The following GALNTL6 variants were observed in gnomAD, a reference collection of about 807,000 sequenced individuals.
GALNTL6 encodes polypeptide N-acetylgalactosaminyltransferase-like 6.
Under a neutral mutation model 73.7 loss-of-function variants are expected in GALNTL6, and 46 were observed. The ratio of observed to expected loss-of-function variants is 0.62; its 90% CI spans 0.49 to 0.80. GALNTL6 has a LOEUF of 0.80. GALNTL6 is among the 30% of genes least tolerant of loss of function. The probability of loss-of-function intolerance (pLI) is 0.00; values close to 1 mark genes in which losing one functional copy is unlikely to be tolerated. For missense variants in GALNTL6, 604 were observed against 755.0 expected (o/e 0.80, Z 2.34); for synonymous variants, 259 against 263.7 (o/e 0.98, Z 0.17).
chr4:172,252,818 G>A lies in GALNTL6; in HGVS notation c.247+23054G>A, dbSNP rs551896808. The stretch of plus-strand genomic sequence containing the variant: ...TGGGAGGAAGTCCTTGGTACCTTAC[G>A]TTCATGTAAAAGTAGAGAAATGGGC... On this transcript the variant is annotated intron_variant, in intron 3 of 12. Transcript: ENST00000506823. Among the ~76,000 whole-genome samples, 7 of 151,806 alleles carry A rather than the reference G, an allele frequency of 4.6e-5. No individual in the cohort carries two copies. In the East Asian group the frequency reaches 7.8e-4, roughly 17 times the overall value.
At chr4:172,116,042 C>T (rs1447953779) in intron 2 of GALNTL6, among the ~76,000 whole-genome samples, 1 of 151,720 alleles carries the variant, frequency 6.6e-6, no homozygotes, top group African/African-American at 2.4e-5. Flanking sequence ...AGGTTTTAAA[C>T]CTATTTTTAA....
chr4:172,530,919 C>T lies in GALNTL6; in HGVS notation c.553+182230C>T, dbSNP rs977610688. ...AAACAATGTTCACAGACAGTCTAGA[C>T]GTCTATAATTGTACTCGCCGTGTGT... On this transcript the variant is annotated intron_variant, in intron 5 of 12. Coordinates refer to ENST00000506823, the MANE Select transcript of GALNTL6 (RefSeq NM_001034845.3). Among the ~76,000 whole-genome samples the T allele has an allele frequency of 1.4e-4, 21 of 144,954 alleles. No homozygotes were observed. In the East Asian group the frequency reaches 2.7e-3, roughly 19 times the overall value.
In GALNTL6 at chr4:172,970,348, C is replaced by T. The variant is rs577723711; in HGVS notation, c.1371+18090C>T. On this transcript the variant is annotated intron_variant, in intron 10 of 12. Coordinates refer to ENST00000506823, the MANE Select transcript of GALNTL6 (RefSeq NM_001034845.3). The stretch of plus-strand genomic sequence containing the variant: ...GGATTTTTTCCCCACCCTAATAAGC[C>T]TGAGGGTACTACAGGAGACCGGGGT... Among the ~76,000 whole-genome samples the T allele has an allele frequency of 1.4e-4, 22 of 152,160 alleles. 1 individual carries two copies. The highest frequency in any genetic ancestry group is 2.6e-4 in the Non-Finnish European group (18 of 68,038).
intron 5 of GALNTL6, among the ~76,000 whole-genome samples, chr4:172,650,392 C>G (rs1740423704): frequency 6.6e-6 from 1 of 152,018 alleles, no homozygotes; most frequent in Non-Finnish European, 1.5e-5. Flanking sequence ...AAAAGCATAA[C>G]AGAAGAGAAG....
chr4:171,871,183 T>A (rs1736124762), intron 2 of GALNTL6, among the ~76,000 whole-genome samples: 1 of 152,160 alleles, frequency 6.6e-6, no homozygotes, highest in Non-Finnish European at 1.5e-5. Context: ...CCAATGGGTA[T>A]GCCTGAAAAT....
chr4:172,020,891 C>T (rs977068126), intron 2 of GALNTL6, among the ~76,000 whole-genome samples: 1 of 151,894 alleles, frequency 6.6e-6, no homozygotes, highest in Non-Finnish European at 1.5e-5. Context: ...AATATTGATG[C>T]AAAAGTCCTC....
At chr4:172,672,869 A>G in intron 5 of GALNTL6, among the ~76,000 whole-genome samples, 1 of 151,892 alleles carries the variant, frequency 6.6e-6, no homozygotes, top group African/African-American at 2.4e-5. Flanking sequence ...CATTGGTAAT[A>G]TCCGCCTCAT....
intron 3 of GALNTL6, among the ~76,000 whole-genome samples, chr4:172,244,181 T>C (rs1424116342): frequency 6.6e-6 from 1 of 152,164 alleles, no homozygotes; most frequent in African/African-American, 2.4e-5. Context: ...ATGAAATATT[T>C]CCTTTGTCAC....
chr4:172,131,282 A>G (rs1215886086), intron 2 of GALNTL6, among the ~76,000 whole-genome samples: 1 of 151,114 alleles, frequency 6.6e-6, no homozygotes. Flanking sequence ...TATAACTAGT[A>G]AAAGATTAAT....
intron 3 of GALNTL6, among the ~76,000 whole-genome samples, chr4:172,310,230 A>T (rs1740304118): frequency 6.6e-6 from 1 of 152,146 alleles, no homozygotes; most frequent in African/African-American, 2.4e-5. Context: ...TTTTGTACAT[A>T]GCATTTTAAA....
chr4:172,109,193 T>C (rs1304499228), intron 2 of GALNTL6, among the ~76,000 whole-genome samples: 2 of 152,332 alleles, frequency 1.3e-5, no homozygotes, highest in East Asian at 3.9e-4. Context: ...TTGTCTCTTT[T>C]AGTTCTAAGG....
At chr4:171,828,812 A>G (rs1307285815) in intron 2 of GALNTL6, among the ~76,000 whole-genome samples, 3 of 152,154 alleles carry the variant, frequency 2.0e-5, no homozygotes, top group Non-Finnish European at 4.4e-5. Context: ...TAGTTGAGAC[A>G]GGGTTTCACT....
At chr4:173,013,326 T>C (rs984041819) in intron 11 of GALNTL6, among the ~76,000 whole-genome samples, 1 of 152,076 alleles carries the variant, frequency 6.6e-6, no homozygotes, top group African/African-American at 2.4e-5. Flanking sequence ...TGGGCTAAAT[T>C]CCTCTCTACC....
intron 2 of GALNTL6, among the ~76,000 whole-genome samples, chr4:172,130,209 A>C (rs1466539836): frequency 6.9e-6 from 1 of 145,758 alleles, no homozygotes; most frequent in Admixed American, 6.9e-5. Context: ...TTTTAGCATA[A>C]GATTGTGATG....
intron 2 of GALNTL6, among the ~76,000 whole-genome samples, chr4:172,228,226 A>G (rs1051293807): frequency 3.3e-5 from 5 of 151,988 alleles, no homozygotes; most frequent in African/African-American, 1.2e-4. Context: ...GTCATTTTCT[A>G]TTTACTTTTC....
chr4:171,835,272 C>T (rs1272389775), intron 2 of GALNTL6, among the ~76,000 whole-genome samples: 1 of 151,570 alleles, frequency 6.6e-6, no homozygotes, highest in African/African-American at 2.4e-5. Flanking sequence ...TTTCTAAGGT[C>T]AAGTAGGATT....
At chr4:172,656,544 C>T (rs1012113152) in intron 5 of GALNTL6, among the ~76,000 whole-genome samples, 3 of 152,156 alleles carry the variant, frequency 2.0e-5, no homozygotes, top group Non-Finnish European at 4.4e-5. Context: ...TAGACACAGC[C>T]TTCCAATCTC....
chr4:172,731,010 G>A (rs1269151245), intron 5 of GALNTL6, among the ~76,000 whole-genome samples: 1 of 151,708 alleles, frequency 6.6e-6, no homozygotes, highest in African/African-American at 2.4e-5. Flanking sequence ...AACCCAAGAG[G>A]TGGAGGTTGT....
chr4:172,104,164 C>T (rs902470462), intron 2 of GALNTL6, among the ~76,000 whole-genome samples: 6 of 152,026 alleles, frequency 3.9e-5, no homozygotes, highest in African/African-American at 7.2e-5. Context: ...AGGATTGTCT[C>T]GGTCTCCTGA....
Sources: gnomAD v4.1 joint callset for allele counts (sites outside exome capture counted in the v4.1 genomes callset) on GRCh38, gnomAD v4.1.1 for gene constraint, MANE v1.5 for transcripts, NCBI Gene and HGNC (gene_info 2026-07-23, HGNC 2026-07-21) for gene names.